The following ADGRE3 variants were observed in gnomAD, a reference collection of about 807,000 sequenced individuals.
The protein encoded by ADGRE3 is EGF-like module receptor 3.
Under a neutral mutation model 80.1 loss-of-function variants are expected in ADGRE3, and 88 were observed. That is an observed-to-expected ratio of 1.10 (90% CI 0.93 to 1.31). The LOEUF is 1.31. Ranked by LOEUF, ADGRE3 falls within the 40% of genes most tolerant of loss-of-function variation. The probability of loss-of-function intolerance (pLI) is 0.00; values close to 1 mark genes in which losing one functional copy is unlikely to be tolerated. For missense variants in ADGRE3, 715 were observed against 776.5 expected, an observed-to-expected ratio of 0.92 and a Z score of 0.94; for synonymous variants, 281 against 294.8, an observed-to-expected ratio of 0.95 and a Z score of 0.48.
chr19:14,628,128 CAAACAAA>C (rs1183225327), intron 14 of ADGRE3, among the ~76,000 whole-genome samples: 8 of 151,514 alleles, frequency 5.3e-5, no homozygotes, highest in Admixed American at 3.3e-4. Context: ...AACTCTGTCT[CAAACAAA>C]AAACAAAAAA....
intron 14 of ADGRE3, among the ~76,000 whole-genome samples, chr19:14,626,159 A>C (rs1218510979): frequency 6.6e-6 from 1 of 152,142 alleles, no homozygotes; most frequent in African/African-American, 2.4e-5. Flanking sequence ...ATTTATGGCC[A>C]GGTGTGGTGG....
intron 1 of ADGRE3, among the ~76,000 whole-genome samples, chr19:14,673,174 GTAT>G (rs1273334048): frequency 6.6e-6 from 1 of 152,216 alleles, no homozygotes; most frequent in Non-Finnish European, 1.5e-5. Context: ...AGTGTAGCTT[GTAT>G]TATTTTGATA....
In ADGRE3 at chr19:14,663,944, C is replaced by T. The variant is rs1017289676; in HGVS notation, c.77-404G>A. Among the ~76,000 whole-genome samples the T allele has an allele frequency of 8.6e-4, 131 of 152,224 alleles. 2 individuals are homozygous for T. The highest frequency in any genetic ancestry group is 6.8e-3 in the Middle Eastern group (2 of 294). On this transcript the variant is annotated intron_variant, in intron 2 of 15. Transcript: ENST00000253673. ...CTAATGCTATCCCTCCCCCAGCCCCCCACTCCCCTGACATATTATATATGT... is the reference window on the plus strand; with the variant it reads ...CTAATGCTATCCCTCCCCCAGCCCCTCACTCCCCTGACATATTATATATGT...
rs532654686 is a variant in ADGRE3, at chr19:14,639,645, G to C, written c.1249-1305C>G. 2.2e-4 allele frequency among the ~76,000 whole-genome samples: 34 copies of C among 152,110 alleles called. No individual in the cohort carries two copies. In the South Asian group the frequency reaches 6.7e-3, roughly 30 times the overall value. Reference sequence around the variant, plus strand: ...TGCCCAGGATGGCCTCAAACGCCTGGCCTCAAGTGATCTTTCCACCATTGC... The same window carrying C: ...TGCCCAGGATGGCCTCAAACGCCTGCCCTCAAGTGATCTTTCCACCATTGC... On this transcript the variant is annotated intron_variant, in intron 10 of 15. Transcript: ENST00000253673.
chr19:14,649,364 A>ATC (rs1401928800), intron 7 of ADGRE3, among the ~76,000 whole-genome samples: 2 of 64,428 alleles, frequency 3.1e-5, no homozygotes, highest in African/African-American at 6.4e-5. Context: ...CTCTCTCCCC[A>ATC]TCTCTCTTTC....
intron 10 of ADGRE3, among the ~76,000 whole-genome samples, chr19:14,640,805 C>T (rs546412551): frequency 1.3e-5 from 2 of 152,230 alleles, no homozygotes; most frequent in Middle Eastern, 3.4e-3. Context: ...ATAAATTTCA[C>T]GAGATCTGAT....
chr19:14,636,081 C>CTTTCTTTTTCTTTCTTTCTTTCTTT (rs1555755785), intron 11 of ADGRE3, among the ~76,000 whole-genome samples: 3 of 24,604 alleles, frequency 1.2e-4, no homozygotes, highest in Non-Finnish European at 2.5e-4. Context: ...CTTTCCTTTC[C>CTTTCTTTTTCTTTCTTTCTTTCTTT]CTTTCTTTCT....
Position 14,647,170 on chromosome 19 carries a change from C to T in ADGRE3, c.882+11G>A. The T allele has an allele frequency of 6.2e-7, 1 of 1,612,316 alleles. No individual in the cohort carries two copies. Among genetic ancestry groups the T allele is most frequent in the Non-Finnish European group, 8.5e-7 (1 of 1,178,674 alleles). ...GAGAACCCACAAGCTCAAATCATACCTGTGACCCACCTTCACGTGCTGGAA... is the reference window on the plus strand; with the variant it reads ...GAGAACCCACAAGCTCAAATCATACTTGTGACCCACCTTCACGTGCTGGAA... On this transcript the variant is annotated intron_variant, in intron 8 of 15. Coordinates refer to ENST00000253673, the MANE Select transcript of ADGRE3 (RefSeq NM_032571.5).
downstream of ADGRE3, among the ~76,000 whole-genome samples, chr19:14,617,341 C>CCTTTCTTTTCTTT (rs2075083332): frequency 1.7e-5 from 1 of 57,170 alleles, no homozygotes; most frequent in East Asian, 7.1e-4. Flanking sequence ...TCCCTCCCTC[C>CCTTTCTTTTCTTT]CTTTCTTTCT....
chr19:14,650,953 G>C (rs1216515856), intron 7 of ADGRE3, 132 bp downstream of exon 7: 1 of 946,244 alleles, frequency 1.1e-6, no homozygotes, highest in African/African-American at 1.7e-5. Flanking sequence ...TTTTTTTAAA[G>C]GGAAAATCTC....
intron 11 of ADGRE3, among the ~76,000 whole-genome samples, chr19:14,636,927 C>T (rs1282708561): frequency 1.3e-5 from 2 of 152,144 alleles, no homozygotes; most frequent in African/African-American, 4.8e-5. Context: ...AACCCCATCT[C>T]TACTAAAAGT....
intron 8 of ADGRE3, among the ~76,000 whole-genome samples, chr19:14,646,791 G>A (rs377335413): frequency 4.0e-5 from 6 of 148,544 alleles, no homozygotes; most frequent in African/African-American, 1.5e-4. Context: ...TTCTTCTTCC[G>A]ACAGTGTCTT....
intron 14 of ADGRE3, among the ~76,000 whole-genome samples, chr19:14,628,154 CA>C (rs1222414315): frequency 6.6e-6 from 1 of 150,778 alleles, no homozygotes; most frequent in South Asian, 2.1e-4. Flanking sequence ...AACAAAACAA[CA>C]AAAAAACGAA....
rs150038394 is a variant in ADGRE3 at position 14,621,097 on chromosome 19, G to A, written c.1921-1626C>T. Among the ~76,000 whole-genome samples, 1,184 of 152,020 alleles carry A rather than the reference G, an allele frequency of 7.8e-3. 16 individuals are homozygous for A. The highest frequency in any genetic ancestry group is 0.028 in the African/African-American group (1,147 of 41,468). On this transcript the variant is annotated intron_variant, in intron 15 of 15. Transcript: ENST00000253673. ...TGCAATGGCATGATCTCGGCTCACC[G>A]TAATCTTTGCCTCCCAGGTTCAAGC...
intron 9 of ADGRE3, among the ~76,000 whole-genome samples, chr19:14,643,660 A>C (rs913037266): frequency 2.3e-4 from 35 of 152,060 alleles, no homozygotes; most frequent in African/African-American, 8.2e-4. Context: ...AGGACACTGG[A>C]AGCTTGCACC....
intron 11 of ADGRE3, 46 bp from the exon 12 acceptor site, chr19:14,633,348 G>A: frequency 1.4e-6 from 2 of 1,421,054 alleles, no homozygotes; most frequent in Admixed American, 1.8e-5. Context: ...CAGAGAAAGT[G>A]CGTGAGATCA....
chr19:14,647,664 T>C (rs571018213), intron 7 of ADGRE3, among the ~76,000 whole-genome samples: 158 of 151,570 alleles, frequency 1.0e-3, no homozygotes, highest in Non-Finnish European at 1.8e-3. Flanking sequence ...GTGATCCACA[T>C]GTCTTGGTCT....
intron 1 of ADGRE3, among the ~76,000 whole-genome samples, chr19:14,669,551 C>T (rs148453937): frequency 0.02 from 3,038 of 152,098 alleles, 80 homozygotes; most frequent in African/African-American, 0.068. Flanking sequence ...TGCAGTGGCG[C>T]GATCTTGGCT....
Position 14,632,957 on chromosome 19 carries a change from G to A in ADGRE3, c.1607C>T (p.Ser536Phe), listed in dbSNP as rs533852689. The change falls in exon 13 of 16, where the codon TCC becomes TTC. Residue 536 changes from serine (S) to phenylalanine (F), a missense_variant. Transcript: ENST00000253673. Reference sequence around the variant, plus strand: ...GATGGTTGACACTTCACTATTGAGGGAGGAAAGTTTTCTTTTCAAAATCCA... The same window carrying A: ...GATGGTTGACACTTCACTATTGAGGAAGGAAAGTTTTCTTTTCAAAATCCA... ...VFWILKRKLSSLNSEVSTIQN... is the reference protein window; with the variant it reads ...VFWILKRKLSFLNSEVSTIQN... 5 of 1,613,708 alleles carry A rather than the reference G, an allele frequency of 3.1e-6. No homozygotes were observed. The East Asian group carries it at 1.1e-4, about 36-fold the overall frequency.
Sources: allele counts gnomAD v4.1 joint callset (sites outside exome capture counted in the v4.1 genomes callset), GRCh38; gene constraint gnomAD v4.1.1; transcripts MANE v1.5; gene names NCBI Gene and HGNC (gene_info 2026-07-23, HGNC 2026-07-21).